Variants in ADIPOR2 observed in about 807,000 individuals in gnomAD.
The protein encoded by ADIPOR2 is adiponectin receptor 2.
In ADIPOR2, 18 loss-of-function variants were observed where a neutral mutation model predicts 40.9. The observed-to-expected ratio is 0.44, with a 90% CI of 0.30 to 0.65. ADIPOR2 has a LOEUF of 0.65. Ranked by LOEUF, ADIPOR2 falls within the 30% of genes least tolerant of loss-of-function variation. ADIPOR2 has a pLI of 0.09. For missense variants in ADIPOR2, 283 were observed against 479.2 expected, an observed-to-expected ratio of 0.59 and a Z score of 3.82; for synonymous variants, 165 against 166.4, an observed-to-expected ratio of 0.99 and a Z score of 0.06.
chr12:1,691,081 C>CGCGGCGGCGGCA lies in ADIPOR2; in HGVS notation c.-185_-174dup, dbSNP rs958757118. ...GAGAGCGCGATTCCAGAAGCGGCAT[C>CGCGGCGGCGGCA]GCGGCGGCGGCAGCGGCGGCGGCTA... On this transcript the variant is annotated 5_prime_UTR_variant, in exon 1 of 8. Transcript: ENST00000357103. The CGCGGCGGCGGCA allele has an allele frequency of 7.8e-5, 13 of 166,340 alleles. No homozygotes were observed. Among genetic ancestry groups the CGCGGCGGCGGCA allele is most frequent in the Non-Finnish European group, 1.4e-4 (11 of 77,440 alleles). 10.3% of individuals were successfully genotyped at this position (166,340 alleles called of 1,614,324 possible).
At chr12:1,783,399 C>CTT (rs35800138) in intron 6 of ADIPOR2, among the ~76,000 whole-genome samples, 14,711 of 132,468 alleles carry the variant, frequency 0.11, 1,304 homozygotes, top group East Asian at 0.43. Flanking sequence ...AGGCTCATTG[C>CTT]TTTTTTTTTT....
At position 1,786,226 on chromosome 12, in the gene ADIPOR2, A is replaced by G; in HGVS notation, c.*154A>G. The G allele has an allele frequency of 1.1e-6, 1 of 946,212 alleles. No individual in the cohort carries two copies. Among genetic ancestry groups the G allele is most frequent in the Non-Finnish European group, 1.5e-6 (1 of 657,112 alleles). 58.6% of individuals were successfully genotyped at this position (946,212 alleles called of 1,614,324 possible). ...GCCCAGTGGCTCTGCGTGGTACATGACTGAGAAGAGAAAAACAAAAATAAA... is the reference window on the plus strand; with the variant it reads ...GCCCAGTGGCTCTGCGTGGTACATGGCTGAGAAGAGAAAAACAAAAATAAA... On this transcript the variant is annotated 3_prime_UTR_variant, in exon 8 of 8. Coordinates refer to ENST00000357103, the MANE Select transcript of ADIPOR2 (RefSeq NM_024551.3).
intron 1 of ADIPOR2, among the ~76,000 whole-genome samples, chr12:1,695,025 TTTG>T (rs763435681): frequency 8.1e-6 from 1 of 124,112 alleles, no homozygotes; most frequent in African/African-American, 2.9e-5. Context: ...TTTTTTTTTT[TTTG>T]TTTTGTTTTT....
chr12:1,728,851 A>G (rs1051589924), intron 1 of ADIPOR2, among the ~76,000 whole-genome samples: 4 of 152,028 alleles, frequency 2.6e-5, no homozygotes, highest in Non-Finnish European at 4.4e-5. Flanking sequence ...TGATTTACAG[A>G]TATTGATAGT....
chr12:1,729,399 G>A (rs1031630868), intron 1 of ADIPOR2, among the ~76,000 whole-genome samples: 1 of 151,706 alleles, frequency 6.6e-6, no homozygotes, highest in Non-Finnish European at 1.5e-5. Context: ...GGACTTTAAG[G>A]AATGATAGCC....
At chr12:1,744,940 C>T (rs959580472) in intron 1 of ADIPOR2, among the ~76,000 whole-genome samples, 1 of 151,810 alleles carries the variant, frequency 6.6e-6, no homozygotes, top group African/African-American at 2.4e-5. Flanking sequence ...TATGTGCAGT[C>T]TTTTTTTTGC....
chr12:1,763,750 G>A (rs964015603), intron 2 of ADIPOR2, among the ~76,000 whole-genome samples: 14 of 152,254 alleles, frequency 9.2e-5, no homozygotes, highest in East Asian at 1.9e-4. Context: ...AGGCTGAGGC[G>A]GGCAGATCGC....
At chr12:1,769,172 A>G (rs886569364) in intron 2 of ADIPOR2, among the ~76,000 whole-genome samples, 3 of 152,198 alleles carry the variant, frequency 2.0e-5, no homozygotes, top group African/African-American at 7.2e-5. Context: ...AGTTATTTGG[A>G]CTTAATATTG....
In ADIPOR2 at chr12:1,788,239, C is replaced by T. The variant is rs1862878379; in HGVS notation, c.*2167C>T. ...GAAATTAACATCACTGATGTGTAAT[C>T]CAGTAAAATCTCCCTTTTTCGGGTG... On this transcript the variant is annotated 3_prime_UTR_variant, in exon 8 of 8. Transcript: ENST00000357103. 6.6e-6 allele frequency: 1 copy of T among 152,650 alleles called. No individual in the cohort carries two copies. The allele number at this position is 152,650 out of a possible 1,614,324, so 9.5% of individuals were successfully genotyped here.
chr12:1,752,190 A>G (rs967546750), intron 1 of ADIPOR2, among the ~76,000 whole-genome samples: 2 of 144,192 alleles, frequency 1.4e-5, no homozygotes, highest in African/African-American at 2.5e-5. Flanking sequence ...CGGCCCCCCA[A>G]AGTGCTGGGA....
At chr12:1,722,119 G>T (rs1048995246) in intron 1 of ADIPOR2, among the ~76,000 whole-genome samples, 3 of 152,220 alleles carry the variant, frequency 2.0e-5, no homozygotes, top group African/African-American at 7.2e-5. Flanking sequence ...ACCTCTGGAG[G>T]CTGCTGTATT....
intron 1 of ADIPOR2, among the ~76,000 whole-genome samples, chr12:1,695,501 AT>A (rs66604443): frequency 0.12 from 18,585 of 151,002 alleles, 1,506 homozygotes; most frequent in East Asian, 0.28. Flanking sequence ...CCAAAAATAT[AT>A]TAAAAAAAAA....
intron 1 of ADIPOR2, among the ~76,000 whole-genome samples, chr12:1,698,288 A>G (rs1026562472): frequency 1.3e-5 from 2 of 151,890 alleles, no homozygotes; most frequent in Non-Finnish European, 2.9e-5. Context: ...CCCAGGCTGG[A>G]GTGCCATGGC....
chr12:1,721,194 A>G (rs1407843012), intron 1 of ADIPOR2, among the ~76,000 whole-genome samples: 2 of 150,356 alleles, frequency 1.3e-5, no homozygotes, highest in East Asian at 2.0e-4. Flanking sequence ...ACCTAGGCAA[A>G]ATAAAATAAA....
chr12:1,707,142 A>G (rs754340516), intron 1 of ADIPOR2, among the ~76,000 whole-genome samples: 3 of 152,144 alleles, frequency 2.0e-5, no homozygotes, highest in Non-Finnish European at 4.4e-5. Flanking sequence ...TCACTGTGGT[A>G]TGGCTATACC....
chr12:1,745,393 T>TA (rs1316518238), intron 1 of ADIPOR2, among the ~76,000 whole-genome samples: 1 of 152,230 alleles, frequency 6.6e-6, no homozygotes, highest in Non-Finnish European at 1.5e-5. Context: ...ACAATGGTTT[T>TA]AGTACCCATC....
chr12:1,780,742 A>T, intron 5 of ADIPOR2, 105 bp downstream of exon 5: 1 of 1,396,534 alleles, frequency 7.2e-7, no homozygotes, highest in Non-Finnish European at 9.5e-7. Context: ...TCTCATGCAA[A>T]CTTTTTTTTT....
At chr12:1,764,558 A>AACACACACACACACAC (rs59660682) in intron 2 of ADIPOR2, among the ~76,000 whole-genome samples, 8 of 119,086 alleles carry the variant, frequency 6.7e-5, no homozygotes, top group South Asian at 2.8e-4. Context: ...TAAAGTATTA[A>AACACACACACACACAC]ACACACACAC....
chr12:1,714,455 G>T (rs375035853), intron 1 of ADIPOR2, among the ~76,000 whole-genome samples: 2 of 152,062 alleles, frequency 1.3e-5, no homozygotes. Context: ...ATTGACCCTC[G>T]AGTGAGTCGG....
Sources: gnomAD v4.1 joint callset for allele counts (sites outside exome capture counted in the v4.1 genomes callset) on GRCh38, gnomAD v4.1.1 for gene constraint, MANE v1.5 for transcripts, NCBI Gene and HGNC (gene_info 2026-07-23, HGNC 2026-07-21) for gene names.